The following PCDH7 variants were observed in gnomAD, a reference collection of about 807,000 sequenced individuals.
The protein encoded by PCDH7 is protocadherin-7.
A neutral mutation model predicts 58.9 loss-of-function variants in PCDH7; 17 were observed. That is an observed-to-expected ratio of 0.29 (90% CI 0.20 to 0.43). PCDH7 has a LOEUF of 0.43. Among genes scored for constraint, PCDH7 ranks in the 20% least tolerant of loss-of-function variants. The pLI, the probability that PCDH7 is intolerant of heterozygous loss-of-function variation, is 1.00. For missense variants in PCDH7, 1,274 were observed against 1,441.0 expected, an observed-to-expected ratio of 0.88 and a Z score of 1.88; for synonymous variants, 664 against 616.4, an observed-to-expected ratio of 1.08 and a Z score of -1.14.
intron 1 of PCDH7, among the ~76,000 whole-genome samples, 186 bp from the exon 2 acceptor site, chr4:30,919,967 T>C (rs1405547970): frequency 6.6e-6 from 1 of 152,220 alleles, no homozygotes; most frequent in African/African-American, 2.4e-5. Context: ...TTTTCCATAA[T>C]AAAATCTAAG....
At chr4:30,908,875 G>T (rs1428584184) in intron 1 of PCDH7, among the ~76,000 whole-genome samples, 1 of 152,016 alleles carries the variant, frequency 6.6e-6, no homozygotes, top group African/African-American at 2.4e-5. Flanking sequence ...CAGAGACACA[G>T]AAAAAAGAAA....
At chr4:31,127,063 C>A (rs574039374) in intron 3 of PCDH7, among the ~76,000 whole-genome samples, 2 of 152,046 alleles carry the variant, frequency 1.3e-5, no homozygotes, top group Admixed American at 6.6e-5. Flanking sequence ...AAAGTCAAAC[C>A]TGAAAATATT....
In PCDH7 at chr4:30,958,753, G is replaced by T. The variant is rs1748103719; in HGVS notation, c.*7+8538G>T. On this transcript the variant is annotated intron_variant, in intron 3 of 3. Coordinates refer to the PCDH7 transcript ENST00000509759. ...ATTTATCTAAATTAACCAAGAAAAA[G>T]CAAACCAGTCATTTCATAAATAAAC... Among the ~76,000 whole-genome samples, 5 of 151,688 alleles carry T rather than the reference G, an allele frequency of 3.3e-5. No individual in the cohort carries two copies. The South Asian group carries it at 1.0e-3, about 31-fold the overall frequency.
At chr4:30,820,078 A>G (rs1018893843) in intron 1 of PCDH7, among the ~76,000 whole-genome samples, 2 of 152,170 alleles carry the variant, frequency 1.3e-5, no homozygotes, top group Non-Finnish European at 2.9e-5. Flanking sequence ...ACTTTCAATT[A>G]GCATTTTTAG....
intron 3 of PCDH7, among the ~76,000 whole-genome samples, chr4:31,006,750 G>T (rs1245652706): frequency 6.6e-6 from 1 of 151,956 alleles, no homozygotes. Flanking sequence ...AAATTAGCCA[G>T]GTGTAGTGGT....
At chr4:30,731,361 G>GTGTATATATATA (rs1553874736) in exon 2 of PCDH7, 2 of 149,840 alleles carry the variant, frequency 1.3e-5, no homozygotes, top group African/African-American at 4.9e-5. Flanking sequence ...GTGTGTGTGT[G>GTGTATATATATA]TATATATATA....
chr4:31,114,130 G>A (rs1053643952), intron 3 of PCDH7, among the ~76,000 whole-genome samples: 7 of 151,948 alleles, frequency 4.6e-5, no homozygotes, highest in African/African-American at 9.7e-5. Context: ...CACTGCAGCC[G>A]GCCTAAAATT....
At chr4:31,130,252 C>T (rs979288305) in intron 3 of PCDH7, among the ~76,000 whole-genome samples, 1 of 151,910 alleles carries the variant, frequency 6.6e-6, no homozygotes, top group Non-Finnish European at 1.5e-5. Context: ...GAAAGGTGAG[C>T]TGTTTGTACT....
chr4:30,850,007 G>T (rs1278021877), intron 1 of PCDH7, among the ~76,000 whole-genome samples: 1 of 152,040 alleles, frequency 6.6e-6, no homozygotes, highest in Non-Finnish European at 1.5e-5. Flanking sequence ...GAACCAGTCT[G>T]TTCTGTTTCC....
At chr4:30,988,153 G>A (rs1298619970) in intron 3 of PCDH7, among the ~76,000 whole-genome samples, 5 of 152,144 alleles carry the variant, frequency 3.3e-5, no homozygotes, top group Non-Finnish European at 7.3e-5. Flanking sequence ...ACGTGAGAAA[G>A]GAATATGAAA....
chr4:30,977,813 T>A (rs1750205179), intron 3 of PCDH7, among the ~76,000 whole-genome samples: 1 of 152,190 alleles, frequency 6.6e-6, no homozygotes, highest in Admixed American at 6.5e-5. Flanking sequence ...CTCTGGAGTG[T>A]CATCTGATCA....
chr4:31,106,672 G>C (rs1490112635), intron 3 of PCDH7, among the ~76,000 whole-genome samples: 1 of 152,144 alleles, frequency 6.6e-6, no homozygotes, highest in African/African-American at 2.4e-5. Context: ...GAGTTTGACT[G>C]TTTATTTCAC....
At chr4:30,957,606 T>C (rs1347083117) in intron 3 of PCDH7, among the ~76,000 whole-genome samples, 3 of 152,088 alleles carry the variant, frequency 2.0e-5, no homozygotes, top group Non-Finnish European at 2.9e-5. Flanking sequence ...TTAAAAGGTG[T>C]TTTGGATCAT....
intron 2 of PCDH7, among the ~76,000 whole-genome samples, chr4:30,942,270 C>A (rs1746134089): frequency 6.6e-6 from 1 of 151,860 alleles, no homozygotes; most frequent in African/African-American, 2.4e-5. Flanking sequence ...ATAACTTAAT[C>A]TACATTGAAT....
In PCDH7 at chr4:31,127,906, GATTAA is replaced by G. The variant is rs560313329; in HGVS notation, c.*8-14562_*8-14558del. Among the ~76,000 whole-genome samples the G allele has an allele frequency of 1.6e-3, 247 of 151,760 alleles. 2 individuals carry two copies. The highest frequency in any genetic ancestry group is 5.7e-3 in the African/African-American group (235 of 41,418). On this transcript the variant is annotated intron_variant, in intron 3 of 3. Coordinates refer to the PCDH7 transcript ENST00000509759. ...AAATACACCAATTTCCATATAATAT[GATTAA>G]ATTATAGAGGCTTTCAAGCTTTTTC...
chr4:31,056,443 A>G (rs1757184722), intron 3 of PCDH7, among the ~76,000 whole-genome samples: 1 of 43,714 alleles, frequency 2.3e-5, no homozygotes, highest in Admixed American at 2.6e-4. Flanking sequence ...AGAAAGAAGG[A>G]AAGAAAGAAA....
intron 3 of PCDH7, among the ~76,000 whole-genome samples, chr4:31,046,298 A>T (rs1756276694): frequency 6.6e-6 from 1 of 151,966 alleles, no homozygotes; most frequent in African/African-American, 2.4e-5. Context: ...TACATATGCC[A>T]TGCTTGGCTC....
intron 1 of PCDH7, among the ~76,000 whole-genome samples, chr4:30,896,879 T>C (rs1174107957): frequency 7.0e-6 from 1 of 143,002 alleles, no homozygotes; most frequent in Non-Finnish European, 1.5e-5. Flanking sequence ...GTGCCCCTCC[T>C]AGTTCTTTGC....
At chr4:30,775,149 A>C (rs1005672326) in intron 1 of PCDH7, among the ~76,000 whole-genome samples, 3 of 152,204 alleles carry the variant, frequency 2.0e-5, no homozygotes, top group African/African-American at 7.2e-5. Context: ...AAAGGGTGAC[A>C]GATCTACTGT....
Sources: gnomAD v4.1 joint callset for allele counts (sites outside exome capture counted in the v4.1 genomes callset) on GRCh38, gnomAD v4.1.1 for gene constraint, MANE v1.5 for transcripts, NCBI Gene and HGNC (gene_info 2026-07-23, HGNC 2026-07-21) for gene names.